Variants in ATP9B observed in about 807,000 individuals in gnomAD.
ATP9B encodes the protein probable phospholipid-transporting ATPase IIB.
In ATP9B, 110 loss-of-function variants were observed where a neutral mutation model predicts 146.1. That is an observed-to-expected ratio of 0.75 (90% CI 0.65 to 0.88). The LOEUF (loss-of-function observed/expected upper bound fraction) is 0.88. Ranked by LOEUF, ATP9B falls within the 40% of genes least tolerant of loss-of-function variation. The pLI, the probability that ATP9B is intolerant of heterozygous loss-of-function variation, is 0.00. For missense variants in ATP9B, 1,499 were observed against 1,496.4 expected (o/e 1.00, Z -0.03); for synonymous variants, 604 against 569.7 (o/e 1.06, Z -0.86).
chr18:79,073,023 C>T, intron 1 of ATP9B, among the ~76,000 whole-genome samples: 1 of 151,876 alleles, frequency 6.6e-6, no homozygotes, highest in East Asian at 1.9e-4. Flanking sequence ...CTCCTCACTT[C>T]CCAGACTGGG....
At chr18:79,153,614 C>T (rs1352260874) in intron 6 of ATP9B, among the ~76,000 whole-genome samples, 1 of 151,386 alleles carries the variant, frequency 6.6e-6, no homozygotes, top group African/African-American at 2.4e-5. Context: ...ACAGAGGCCA[C>T]AGAAATGGCA....
At chr18:79,334,079 T>A (rs1332410142) in intron 17 of ATP9B, among the ~76,000 whole-genome samples, 2 of 152,136 alleles carry the variant, frequency 1.3e-5, no homozygotes, top group Non-Finnish European at 2.9e-5. Context: ...ACTGCTAGGC[T>A]GGGCGCGGTG....
Position 79,343,970 on chromosome 18 carries a change from C to A in ATP9B, c.2383-295C>A. The A allele has an allele frequency of 8.4e-6, 4 of 476,720 alleles. No individual in the cohort carries two copies. In the South Asian group the frequency reaches 9.2e-5, roughly 11 times the overall value. The allele number at this position is 476,720 out of a possible 1,614,324, so 29.5% of individuals were successfully genotyped here. A position where few individuals can be genotyped will look rare whatever the true frequency, so the allele number is the denominator to read the frequency against. On this transcript the variant is annotated intron_variant, in intron 20 of 29. Transcript: ENST00000426216. ...AAGGTAATTATTAACTCATAGGCAC[C>A]CTTTACACAAATTTCATCAGAGTGG...
intron 12 of ATP9B, 131 bp from the exon 13 acceptor site, chr18:79,276,923 G>C (rs1182655299): frequency 7.0e-7 from 1 of 1,434,196 alleles, no homozygotes; most frequent in Non-Finnish European, 9.6e-7. Context: ...TTATCTGGCA[G>C]TTTGGGTATG....
In ATP9B at chr18:79,253,390, T is replaced by G; in HGVS notation, c.1117T>G (p.Leu373Val). The G allele has an allele frequency of 1.2e-6, 2 of 1,607,644 alleles. No individual in the cohort carries two copies. The change falls in exon 12 of 30, where the codon TTG (leucine) becomes GTG (valine). Residue 373 changes from leucine to valine, a missense_variant. Physicochemically the swap from Leu to Val is conservative, Grantham distance 32 (BLOSUM62 1). Transcript: ENST00000426216. ...TSNPKNKVGL[L>V]DLELNRLTKA... ...TGTGTTTTTCTTTCAGGTTGGTTTG[T>G]TGGACCTTGAACTCAATCGGCTGAC...
At chr18:79,080,481 A>G (rs2073132351) in intron 1 of ATP9B, among the ~76,000 whole-genome samples, 1 of 151,912 alleles carries the variant, frequency 6.6e-6, no homozygotes, top group Admixed American at 6.5e-5. Context: ...TTGCACATTG[A>G]TTTTGTATCC....
In ATP9B at chr18:79,374,164, A is replaced by C. The variant is rs1448848693; in HGVS notation, c.3274+63A>C. 4 of 1,533,340 alleles carry C rather than the reference A, an allele frequency of 2.6e-6. No individual in the cohort carries two copies. In the African/African-American group the frequency reaches 4.1e-5, roughly 16 times the overall value. 95.0% of individuals were successfully genotyped at this position (1,533,340 alleles called of 1,614,324 possible). A position where few individuals can be genotyped will look rare whatever the true frequency, so the allele number is the denominator to read the frequency against. Reference sequence around the variant, plus strand: ...ATTCATGATTTTGAAGTATTTTCTTATTGTTGCTTCTGAATACATTGTGTT... The same window carrying C: ...ATTCATGATTTTGAAGTATTTTCTTCTTGTTGCTTCTGAATACATTGTGTT... On this transcript the variant is annotated intron_variant, in intron 28 of 29. Transcript: ENST00000426216.
intron 15 of ATP9B, among the ~76,000 whole-genome samples, chr18:79,325,764 C>T (rs953643556): frequency 3.3e-5 from 5 of 152,184 alleles, no homozygotes; most frequent in African/African-American, 7.2e-5. Flanking sequence ...GCTTTGCTCC[C>T]GGCACTCCCC....
chr18:79,123,791 C>T (rs551497965), intron 4 of ATP9B, among the ~76,000 whole-genome samples: 2 of 152,192 alleles, frequency 1.3e-5, no homozygotes, highest in African/African-American at 2.4e-5. Flanking sequence ...ATTTTCAACT[C>T]GGGCACCAAA....
At chr18:79,310,336 G>A (rs574899416) in intron 15 of ATP9B, among the ~76,000 whole-genome samples, 66 of 152,324 alleles carry the variant, frequency 4.3e-4, no homozygotes, top group African/African-American at 1.6e-3. Flanking sequence ...ATACAACTAT[G>A]CGTTCAGAAT....
intron 4 of ATP9B, chr18:79,117,369 G>A (rs1436220383): frequency 6.6e-6 from 1 of 152,212 alleles, no homozygotes; most frequent in African/African-American, 2.4e-5. Context: ...AAAATATAAA[G>A]CAGGAAAAAT....
chr18:79,141,254 A>T (rs1397472181), intron 5 of ATP9B, among the ~76,000 whole-genome samples: 1 of 152,092 alleles, frequency 6.6e-6, no homozygotes, highest in Non-Finnish European at 1.5e-5. Flanking sequence ...GTGAAGAAGG[A>T]CGTGTTTGCT....
At chr18:79,234,639 G>C (rs537348102) in intron 11 of ATP9B, among the ~76,000 whole-genome samples, 1 of 142,916 alleles carries the variant, frequency 7.0e-6, no homozygotes, top group East Asian at 2.0e-4. Flanking sequence ...TGGGTGTGCT[G>C]CTGTGGGCGT....
chr18:79,258,430 G>T (rs757769387), intron 12 of ATP9B, among the ~76,000 whole-genome samples: 1 of 152,014 alleles, frequency 6.6e-6, no homozygotes, highest in Non-Finnish European at 1.5e-5. Flanking sequence ...AGCCTCTCTC[G>T]AAAGAAAAAA....
intron 9 of ATP9B, among the ~76,000 whole-genome samples, chr18:79,203,072 A>G (rs553305287): frequency 6.6e-6 from 1 of 152,376 alleles, no homozygotes; most frequent in African/African-American, 2.4e-5. Flanking sequence ...GTGAATTTCT[A>G]CTTGGGTGGT....
intron 13 of ATP9B, among the ~76,000 whole-genome samples, chr18:79,286,124 C>G (rs1301931708): frequency 6.7e-6 from 1 of 149,762 alleles, no homozygotes; most frequent in Non-Finnish European, 1.5e-5. Context: ...TCCATATGAA[C>G]TTTAAAGTAG....
chr18:79,072,774 G>C (rs2072048885), intron 1 of ATP9B, among the ~76,000 whole-genome samples: 1 of 152,022 alleles, frequency 6.6e-6, no homozygotes, highest in Non-Finnish European at 1.5e-5. Context: ...CGGCTGGGCG[G>C]AGATGCTTCT....
intron 15 of ATP9B, among the ~76,000 whole-genome samples, chr18:79,328,688 G>T (rs1162656518): frequency 2.0e-5 from 3 of 152,118 alleles, no homozygotes; most frequent in Non-Finnish European, 4.4e-5. Context: ...TCACCAATTT[G>T]TCTCTTATTT....
At chr18:79,084,399 A>G (rs1290529463) in intron 1 of ATP9B, among the ~76,000 whole-genome samples, 1 of 152,114 alleles carries the variant, frequency 6.6e-6, no homozygotes, top group East Asian at 1.9e-4. Flanking sequence ...CATTTTAACT[A>G]TTTATAACAA....
Sources: gnomAD v4.1 joint callset for allele counts (sites outside exome capture counted in the v4.1 genomes callset) on GRCh38, gnomAD v4.1.1 for gene constraint, MANE v1.5 for transcripts, NCBI Gene and HGNC (gene_info 2026-07-23, HGNC 2026-07-21) for gene names.